PDE8B: variants seen among roughly 807,000 people sequenced by gnomAD.
PDE8B encodes the protein high affinity cAMP-specific and IBMX-insensitive 3',5'-cyclic phosphodiesterase 8B.
A neutral mutation model predicts 101.3 loss-of-function variants in PDE8B; 26 were observed. That is an observed-to-expected ratio of 0.26 (90% CI 0.19 to 0.36). The LOEUF is 0.36. PDE8B is among the 10% of genes least tolerant of loss of function. The probability of loss-of-function intolerance (pLI) is 1.00; values close to 1 mark genes in which losing one functional copy is unlikely to be tolerated. For synonymous variants in PDE8B, 424 were observed against 429.3 expected (o/e 0.99, Z 0.15); for missense variants, 810 against 1,163.1 (o/e 0.70, Z 4.42).
chr5:77,396,079 TA>T (rs1790996687), intron 10 of PDE8B, among the ~76,000 whole-genome samples: 1 of 152,248 alleles, frequency 6.6e-6, no homozygotes, highest in Non-Finnish European at 1.5e-5. Context: ...CTGCAGCATT[TA>T]AAACCAAAGA....
rs1777405267 is a variant in PDE8B at position 77,332,844 on chromosome 5, A to C, written c.708+1385A>C. Among the ~76,000 whole-genome samples the C allele has an allele frequency of 2.0e-5, 3 of 152,042 alleles. No individual in the cohort carries two copies. The South Asian group carries it at 6.2e-4, about 32-fold the overall frequency. On this transcript the variant is annotated intron_variant, in intron 5 of 21. Coordinates refer to ENST00000264917, the MANE Select transcript of PDE8B (RefSeq NM_003719.5). ...AAGAGTAAAACTCCGTCTCAAAAAA[A>C]AAAAAAAAAAGAGTAATCTGAATCC... is the stretch of plus-strand genomic sequence containing the variant.
chr5:77,406,706 T>C (rs1431886462), intron 12 of PDE8B, among the ~76,000 whole-genome samples: 2 of 152,178 alleles, frequency 1.3e-5, no homozygotes, highest in African/African-American at 4.8e-5. Context: ...GAGGGGGTGG[T>C]AGGAAGATCT....
At chr5:77,351,031 T>C (rs1412600252) in intron 8 of PDE8B, 34 bp from the exon 9 acceptor site, 1 of 1,515,410 alleles carries the variant, frequency 6.6e-7, no homozygotes, top group Non-Finnish European at 9.2e-7. Flanking sequence ...CATCCTTGAC[T>C]GAAGGATTTT....
intron 1 of PDE8B, among the ~76,000 whole-genome samples, chr5:77,230,798 T>C (rs1310912009): frequency 6.6e-6 from 1 of 151,962 alleles, no homozygotes; most frequent in African/African-American, 2.4e-5. Context: ...AAGTCAAGAG[T>C]TGAGAATCAC....
At chr5:77,107,945 C>T in the PDE8B span, among the ~76,000 whole-genome samples, 1 of 152,176 alleles carries the variant, frequency 6.6e-6, no homozygotes, top group Non-Finnish European at 1.5e-5. Flanking sequence ...CACCACTACC[C>T]CACACACTGA....
rs1781498291 is a variant in PDE8B at position 77,353,356 on chromosome 5, C to G, written c.1117C>G (p.His373Asp). The G allele has an allele frequency of 6.4e-7, 1 of 1,573,678 alleles. No homozygotes were observed. Among genetic ancestry groups the G allele is most frequent in the African/African-American group, 1.3e-5 (1 of 74,102 alleles). The change falls in exon 10 of 22, where the codon CAT (histidine) becomes GAT (aspartate). Residue 373 changes from histidine (H) to aspartate (D), a missense_variant. His to Asp is a moderately conservative substitution (Grantham distance 81). This residue lies in a region of PDE8B where 251 missense variants were observed against 378.8 expected (regional missense o/e 0.66). Transcript: ENST00000264917. ...PVIGQGGKIRHFVSLKKLCCT... is the reference protein window; with the variant it reads ...PVIGQGGKIRDFVSLKKLCCT... ...ATTATTTGTTATTAGGAAAATTAGG[C>G]ATTTTGTCTCGCTCAAGAAACTGTG... is the stretch of plus-strand genomic sequence containing the variant.
At chr5:77,390,081 G>A (rs956437798) in intron 10 of PDE8B, among the ~76,000 whole-genome samples, 1 of 152,130 alleles carries the variant, frequency 6.6e-6, no homozygotes, top group African/African-American at 2.4e-5. Flanking sequence ...TTGTTCCATA[G>A]CCTTGACAAA....
chr5:77,371,194 C>T (rs1785031288), intron 10 of PDE8B, among the ~76,000 whole-genome samples: 1 of 152,110 alleles, frequency 6.6e-6, no homozygotes, highest in Non-Finnish European at 1.5e-5. Context: ...GAAAACTTTA[C>T]CTACCCTCAA....
intron 9 of PDE8B, 143 bp from the exon 10 acceptor site, chr5:77,353,203 T>C (rs1206926814): frequency 1.5e-6 from 1 of 669,192 alleles, no homozygotes; most frequent in East Asian, 2.7e-5. Context: ...GTGTTTTCTG[T>C]AGATTGAGTC....
At position 77,211,287 on chromosome 5, in the gene PDE8B, C is replaced by A; in HGVS notation, c.339+23C>A. On this transcript the variant is annotated intron_variant, in intron 1 of 21. Coordinates refer to ENST00000264917, the MANE Select transcript of PDE8B (RefSeq NM_003719.5). The surrounding 1 kb of genome is among the most constrained non-coding windows in gnomAD (Gnocchi z 4.1). ...AAGGTAAATGCCCCGCGCTGGCACA[C>A]GCCGTGGGGGCCGTCCGCCCCGTCG... The A allele has an allele frequency of 6.5e-7, 1 of 1,535,774 alleles. No individual in the cohort carries two copies. The highest frequency in any genetic ancestry group is 8.7e-7 in the Non-Finnish European group (1 of 1,148,408).
intron 1 of PDE8B, among the ~76,000 whole-genome samples, chr5:77,257,343 A>G (rs939447141): frequency 1.3e-5 from 2 of 152,212 alleles, no homozygotes; most frequent in African/African-American, 2.4e-5. Context: ...CACTTTTAAT[A>G]TAAAGACACA....
chr5:77,411,411 GA>G, intron 14 of PDE8B, among the ~76,000 whole-genome samples: 1 of 152,288 alleles, frequency 6.6e-6, no homozygotes, highest in Admixed American at 6.5e-5. Flanking sequence ...CCTCAGAACA[GA>G]GCCAACCCAC....
chr5:77,205,756 A>G (rs1747450939), upstream of PDE8B, among the ~76,000 whole-genome samples: 1 of 152,144 alleles, frequency 6.6e-6, no homozygotes, highest in Non-Finnish European at 1.5e-5. Context: ...GAACCTCAAG[A>G]TATGTTCATA....
At chr5:77,413,355 T>A in intron 17 of PDE8B, 46 bp downstream of exon 17, 1 of 1,514,550 alleles carries the variant, frequency 6.6e-7, no homozygotes. Flanking sequence ...GGATTGGAGA[T>A]CCAAGAACTT....
chr5:77,261,568 T>G (rs1438254662), intron 1 of PDE8B, among the ~76,000 whole-genome samples: 1 of 152,226 alleles, frequency 6.6e-6, no homozygotes, highest in Non-Finnish European at 1.5e-5. Context: ...AGACTGTCAG[T>G]CTTCTCCCCA....
At chr5:77,307,601 G>GT (rs373601063) in intron 1 of PDE8B, among the ~76,000 whole-genome samples, 94 of 148,798 alleles carry the variant, frequency 6.3e-4, no homozygotes, top group South Asian at 3.9e-3. Context: ...TAGTACTTGT[G>GT]TTTTTTTTTT....
chr5:77,323,777 C>T (rs191991309), intron 2 of PDE8B, among the ~76,000 whole-genome samples: 1 of 151,942 alleles, frequency 6.6e-6, no homozygotes, highest in Admixed American at 6.6e-5. Context: ...GCCAACATGG[C>T]GAAACCCCAT....
At chr5:77,093,984 A>G in the PDE8B span, among the ~76,000 whole-genome samples, 1 of 152,150 alleles carries the variant, frequency 6.6e-6, no homozygotes, top group Non-Finnish European at 1.5e-5. Flanking sequence ...AAAGTATCAC[A>G]AACAGATTGG....
At chr5:77,257,792 T>C (rs563478624) in intron 1 of PDE8B, among the ~76,000 whole-genome samples, 34 of 152,226 alleles carry the variant, frequency 2.2e-4, no homozygotes, top group Admixed American at 1.9e-3. Flanking sequence ...CCGGCATGCA[T>C]TAGCTATTTA....
Sources: allele counts gnomAD v4.1 joint callset (sites outside exome capture counted in the v4.1 genomes callset), GRCh38; gene constraint gnomAD v4.1.1; regional missense constraint gnomAD v4.1.1; non-coding constraint Gnocchi (gnomAD v3.1); transcripts MANE v1.5; gene names NCBI Gene and HGNC (gene_info 2026-07-23, HGNC 2026-07-21).